Variants in CNNM1 observed in about 807,000 individuals in gnomAD.
CNNM1 encodes metal transporter CNNM1.
Under a neutral mutation model 78.8 loss-of-function variants are expected in CNNM1, and 44 were observed. The observed-to-expected ratio is 0.56, with a 90% CI of 0.44 to 0.72. CNNM1 has a LOEUF of 0.72. Ranked by LOEUF, CNNM1 falls within the 30% of genes least tolerant of loss-of-function variation. CNNM1 has a pLI of 0.00. For missense variants in CNNM1, 1,101 were observed against 1,292.2 expected (o/e 0.85, Z 2.27); for synonymous variants, 584 against 581.5 (o/e 1.00, Z -0.06).
At chr10:99,340,769 CTCTT>C (rs1177281982) in intron 1 of CNNM1, among the ~76,000 whole-genome samples, 1 of 137,894 alleles carries the variant, frequency 7.3e-6, no homozygotes, top group African/African-American at 2.7e-5. Flanking sequence ...CTTTCTCTCT[CTCTT>C]TCCTTCTTTC....
At chr10:99,332,032 C>T (rs1022819285) in intron 1 of CNNM1, among the ~76,000 whole-genome samples, 1 of 152,170 alleles carries the variant, frequency 6.6e-6, no homozygotes, top group African/African-American at 2.4e-5. Flanking sequence ...GAAAAATCAG[C>T]CTGGATACAT....
chr10:99,385,973 C>G (rs545717044), intron 7 of CNNM1, among the ~76,000 whole-genome samples: 1 of 152,276 alleles, frequency 6.6e-6, no homozygotes, highest in Non-Finnish European at 1.5e-5. Context: ...GTGTTAGAGC[C>G]AAATTTCCTC....
chr10:99,360,825 G>T lies in CNNM1; in HGVS notation c.1718-10G>T. ...GAGATAGCTGTAATCTGTCCTCTGTGACCCCACAGCTGACAATCGGAAAAA... is the reference window on the plus strand; with the variant it reads ...GAGATAGCTGTAATCTGTCCTCTGTTACCCCACAGCTGACAATCGGAAAAA... On this transcript the variant is annotated splice_polypyrimidine_tract_variant and intron_variant, in intron 2 of 10. Transcript: ENST00000356713. 6.3e-7 allele frequency: 1 copy of T among 1,593,750 alleles called. No individual in the cohort carries two copies. The highest frequency in any genetic ancestry group is 1.1e-5 in the South Asian group (1 of 88,764).
In CNNM1 at chr10:99,352,419, G is replaced by A. The variant is rs184945011; in HGVS notation, c.1574-5093G>A. ...TCATTTCTCTAAAAGTAGAATTGTC[G>A]GGTCATTTGATAATTTTGTGTTTAA... On this transcript the variant is annotated intron_variant, in intron 1 of 10. Transcript: ENST00000356713. 2.4e-3 allele frequency among the ~76,000 whole-genome samples: 361 copies of A among 152,226 alleles called. 2 individuals are homozygous for A. The highest frequency in any genetic ancestry group is 4.0e-3 in the Non-Finnish European group (269 of 68,014).
At chr10:99,356,562 CAGAAAGAA>C (rs71009746) in intron 1 of CNNM1, among the ~76,000 whole-genome samples, 1,708 of 98,474 alleles carry the variant, frequency 0.017, 28 homozygotes, top group Admixed American at 0.022. Flanking sequence ...GACAGACAGA[CAGAAAGAA>C]AGAAAGAAAG....
intron 1 of CNNM1, among the ~76,000 whole-genome samples, chr10:99,345,914 C>T (rs112066884): frequency 0.038 from 5,781 of 152,038 alleles, 231 homozygotes; most frequent in East Asian, 0.16. Flanking sequence ...AGGGTGGTGT[C>T]GAACTCATGG....
chr10:99,393,245 T>C lies in CNNM1; in HGVS notation c.*1729T>C, dbSNP rs1451143483. On this transcript the variant is annotated 3_prime_UTR_variant, in exon 11 of 11. Transcript: ENST00000356713. ...CCTCCCTCCCACCTCCCCACACCCA[T>C]TGAGTCATTCACAGGCAGGAGGGAG... 4.0e-5 allele frequency: 6 copies of C among 150,032 alleles called. No homozygotes were observed. Among genetic ancestry groups the C allele is most frequent in the Non-Finnish European group, 7.4e-5 (5 of 67,354 alleles). The allele number at this position is 150,032 out of a possible 1,614,324, so 9.3% of individuals were successfully genotyped here.
At chr10:99,362,621 C>A (rs1264595190) in intron 4 of CNNM1, among the ~76,000 whole-genome samples, 3 of 152,130 alleles carry the variant, frequency 2.0e-5, no homozygotes, top group Non-Finnish European at 4.4e-5. Flanking sequence ...GACAACTCAG[C>A]GATGTTTGGG....
In CNNM1 at chr10:99,329,606, T is replaced by C. The variant is rs1446912790; in HGVS notation, c.219T>C (p.Arg73=). Residue 73 remains arginine, a synonymous_variant, in exon 1 of 11, where the codon CGT becomes CGC. Coordinates refer to ENST00000356713, the MANE Select transcript of CNNM1 (RefSeq NM_020348.3). The part of the protein sequence containing the change: ...RAAEGTSFLL[R]VYFQPGPPAT... Reference sequence around the variant, plus strand: ...CCGAAGGCACCAGCTTCCTCCTGCGTGTCTATTTCCAGCCAGGACCGCCGG... The same window carrying C: ...CCGAAGGCACCAGCTTCCTCCTGCGCGTCTATTTCCAGCCAGGACCGCCGG... The C allele has an allele frequency of 2.0e-6, 3 of 1,513,602 alleles. No homozygotes were observed. Among genetic ancestry groups the C allele is most frequent in the Non-Finnish European group, 2.6e-6 (3 of 1,139,946 alleles). 93.8% of individuals were successfully genotyped at this position (1,513,602 alleles called of 1,614,324 possible). A position where few individuals can be genotyped will look rare whatever the true frequency, so the allele number is the denominator to read the frequency against.
chr10:99,340,876 T>TCCTTCCTGCCTGCCTGCCTG (rs71009744), intron 1 of CNNM1, among the ~76,000 whole-genome samples: 3,193 of 138,192 alleles, frequency 0.023, 108 homozygotes, highest in African/African-American at 0.072. Context: ...CTTCCTTCCT[T>TCCTTCCTGCCTGCCTGCCTG]CCTGCCTGCC....
At chr10:99,354,865 G>T (rs1487302605) in intron 1 of CNNM1, among the ~76,000 whole-genome samples, 1 of 152,152 alleles carries the variant, frequency 6.6e-6, no homozygotes, top group Non-Finnish European at 1.5e-5. Context: ...AAACTAATGA[G>T]CCTGGACTTG....
chr10:99,346,781 T>C, intron 1 of CNNM1, among the ~76,000 whole-genome samples: 1 of 151,932 alleles, frequency 6.6e-6, no homozygotes, highest in East Asian at 1.9e-4. Flanking sequence ...CTAATATTTT[T>C]AATTTTTTAT....
Position 99,374,722 on chromosome 10 carries a change from G to A in CNNM1, c.2177-2333G>A, listed in dbSNP as rs569433970. ...TTGTATCGCCCTGTGGGACCCTGAC[G>A]TGCTGACTCATTTATTCTACATGTT... On this transcript the variant is annotated intron_variant, in intron 6 of 10. Coordinates refer to ENST00000356713, the MANE Select transcript of CNNM1 (RefSeq NM_020348.3). 3.4e-4 allele frequency among the ~76,000 whole-genome samples: 52 copies of A among 152,270 alleles called. No individual in the cohort carries two copies. In the South Asian group the frequency reaches 5.8e-3, roughly 17 times the overall value.
rs752564236 is a variant in CNNM1 at position 99,357,595 on chromosome 10, C to T, written c.1657C>T (p.Leu553=). 5 of 1,613,660 alleles carry T rather than the reference C, an allele frequency of 3.1e-6. No individual in the cohort carries two copies. The South Asian group carries it at 4.4e-5, about 14-fold the overall frequency. Residue 553 remains leucine, a synonymous_variant, in exon 2 of 11, where the codon CTG becomes TTG. Coordinates refer to ENST00000356713, the MANE Select transcript of CNNM1 (RefSeq NM_020348.3). The part of the protein sequence containing the change: ...PFYEVMGIVT[L]EDIIEEIIKS... ...CTATGAGGTGATGGGCATTGTCACG[C>T]TGGAGGATATCATAGAGGAGATTAT...
At chr10:99,347,257 A>G (rs895534147) in intron 1 of CNNM1, among the ~76,000 whole-genome samples, 52 of 152,022 alleles carry the variant, frequency 3.4e-4, no homozygotes, top group African/African-American at 1.3e-3. Flanking sequence ...ACGGTGGCTC[A>G]CACCTGTAAT....
chr10:99,372,412 G>A (rs528708287), intron 6 of CNNM1, among the ~76,000 whole-genome samples: 2 of 152,196 alleles, frequency 1.3e-5, no homozygotes, highest in Non-Finnish European at 2.9e-5. Flanking sequence ...TCTGATGCAA[G>A]AGCAAGAGTG....
chr10:99,346,192 C>T (rs566428373), intron 1 of CNNM1, among the ~76,000 whole-genome samples: 2 of 152,172 alleles, frequency 1.3e-5, no homozygotes, highest in African/African-American at 4.8e-5. Flanking sequence ...TTTCGGGGAT[C>T]GTTAATCCGG....
intron 6 of CNNM1, among the ~76,000 whole-genome samples, chr10:99,375,367 C>G (rs950643865): frequency 1.3e-5 from 2 of 152,076 alleles, no homozygotes; most frequent in Non-Finnish European, 2.9e-5. Flanking sequence ...GAGATAGGAC[C>G]GATGGGCTCA....
intron 6 of CNNM1, among the ~76,000 whole-genome samples, chr10:99,365,765 C>G (rs2031594249): frequency 6.6e-6 from 1 of 152,126 alleles, no homozygotes; most frequent in Admixed American, 6.5e-5. Context: ...TTACAGTGAC[C>G]ACTTCAATGC....
Sources: gnomAD v4.1 joint callset for allele counts (sites outside exome capture counted in the v4.1 genomes callset) on GRCh38, gnomAD v4.1.1 for gene constraint, MANE v1.5 for transcripts, NCBI Gene and HGNC (gene_info 2026-07-23, HGNC 2026-07-21) for gene names.